The following KAZN variants were observed in gnomAD, a reference collection of about 807,000 sequenced individuals.
KAZN encodes kazrin.
Under a neutral mutation model 87.4 loss-of-function variants are expected in KAZN, and 40 were observed. The ratio of observed to expected loss-of-function variants is 0.46; its 90% CI spans 0.36 to 0.60. The LOEUF (loss-of-function observed/expected upper bound fraction) is 0.60, where lower values mean the gene tolerates loss of function less well. Ranked by LOEUF, KAZN falls within the 20% of genes least tolerant of loss-of-function variation. The probability of loss-of-function intolerance (pLI) is 0.00; values close to 1 mark genes in which losing one functional copy is unlikely to be tolerated. For missense variants in KAZN, 898 were observed against 1,073.9 expected (o/e 0.84, Z 2.29); for synonymous variants, 466 against 458.3 (o/e 1.02, Z -0.22).
intron 4 of KAZN, among the ~76,000 whole-genome samples, chr1:15,044,491 G>C (rs1370532389): frequency 1.4e-4 from 21 of 152,168 alleles, no homozygotes; most frequent in Non-Finnish European, 1.0e-4. Flanking sequence ...GCTCATGCCT[G>C]TAATCCCAGC....
At chr1:14,526,218 C>T (rs1671856379) in intron 2 of KAZN, among the ~76,000 whole-genome samples, 1 of 152,210 alleles carries the variant, frequency 6.6e-6, no homozygotes, top group African/African-American at 2.4e-5. Context: ...GTACGATTGA[C>T]TCTTTAATTT....
At chr1:14,649,504 A>G (rs1402909847) in intron 1 of KAZN, among the ~76,000 whole-genome samples, 1 of 152,202 alleles carries the variant, frequency 6.6e-6, no homozygotes, top group Admixed American at 6.5e-5. Flanking sequence ...ATCCATTGTC[A>G]TAGGCCACGT....
At chr1:14,257,975 G>GAAAA (rs201805345) in intron 2 of KAZN, among the ~76,000 whole-genome samples, 3 of 87,974 alleles carry the variant, frequency 3.4e-5, no homozygotes, top group African/African-American at 1.3e-4. Context: ...AAAAAAAAGA[G>GAAAA]AAAAAAAAAA....
Position 14,469,585 on chromosome 1 carries a change from A to T in KAZN, c.250-129398A>T, listed in dbSNP as rs1218178873. On this transcript the variant is annotated intron_variant, in intron 2 of 16. Coordinates refer to the KAZN transcript ENST00000636203. ...AATATACAGCGTTGCCAGAGGCATT[A>T]TTTTGCCATCCTAGGCAGCATTAAC... 2.0e-5 allele frequency among the ~76,000 whole-genome samples: 3 copies of T among 152,238 alleles called. No individual in the cohort carries two copies. The East Asian group carries it at 5.8e-4, about 29-fold the overall frequency.
At chr1:14,306,232 C>T (rs981416473) in intron 2 of KAZN, among the ~76,000 whole-genome samples, 1 of 152,122 alleles carries the variant, frequency 6.6e-6, no homozygotes, top group Non-Finnish European at 1.5e-5. Flanking sequence ...AATTAAATCC[C>T]CATATTTCTC....
chr1:14,329,599 C>A (rs1656700483), intron 2 of KAZN, among the ~76,000 whole-genome samples: 1 of 152,092 alleles, frequency 6.6e-6, no homozygotes, highest in African/African-American at 2.4e-5. Flanking sequence ...CCAGGTCTGC[C>A]CACTCCAAAG....
rs1641823939 is a variant in KAZN, at chr1:15,115,862, A to G, written c.*1227A>G. ...ACAATTTGTAACCTCTCAGGAGACA[A>G]TGGGAAGTTATGGGGTAGCTAATTT... is the stretch of plus-strand genomic sequence containing the variant. On this transcript the variant is annotated 3_prime_UTR_variant, in exon 15 of 15. Transcript: ENST00000376030. The surrounding 1 kb of genome is among the most constrained non-coding windows in gnomAD (Gnocchi z 4.1). 6.6e-6 allele frequency: 1 copy of G among 152,240 alleles called. No homozygotes were observed. Among genetic ancestry groups the G allele is most frequent in the African/African-American group, 2.4e-5 (1 of 41,462 alleles). 9.4% of individuals were successfully genotyped at this position (152,240 alleles called of 1,614,324 possible). A position where few individuals can be genotyped will look rare whatever the true frequency, so the allele number is the denominator to read the frequency against.
intron 1 of KAZN, among the ~76,000 whole-genome samples, chr1:14,768,809 TCCAC>T: frequency 6.6e-6 from 1 of 152,234 alleles, no homozygotes. Flanking sequence ...GTAATCAGTT[TCCAC>T]CAGTTCCAGT....
chr1:14,627,501 G>T (rs569363937), intron 1 of KAZN, among the ~76,000 whole-genome samples: 1 of 152,260 alleles, frequency 6.6e-6, no homozygotes, highest in African/African-American at 2.4e-5. Context: ...GACTTAAAAG[G>T]CTCGCTCCTC....
At chr1:13,964,191 T>C (rs2101032211) in intron 1 of KAZN, among the ~76,000 whole-genome samples, 1 of 152,330 alleles carries the variant, frequency 6.6e-6, no homozygotes, top group East Asian at 1.9e-4. Context: ...AACATATGTC[T>C]TCCCTGGAGG....
chr1:14,121,027 T>G (rs1443317249), intron 1 of KAZN, among the ~76,000 whole-genome samples: 1 of 152,184 alleles, frequency 6.6e-6, no homozygotes, highest in African/African-American at 2.4e-5. Context: ...GCAGCCATCT[T>G]GGCACTATGA....
rs141151647 is a variant in KAZN at position 14,101,830 on chromosome 1, T to A, written c.92-78605T>A. The stretch of plus-strand genomic sequence containing the variant: ...TCTTCCTTATGATGTTGTTTACATA[T>A]TGTGTTTGCTTAGCAAAACCTTTTT... On this transcript the variant is annotated intron_variant, in intron 1 of 16. Transcript: ENST00000636203. Among the ~76,000 whole-genome samples the A allele has an allele frequency of 5.3e-5, 8 of 152,366 alleles. No homozygotes were observed. The East Asian group carries it at 1.5e-3, about 29-fold the overall frequency.
intron 2 of KAZN, among the ~76,000 whole-genome samples, chr1:14,414,403 C>G (rs1052442301): frequency 1.3e-5 from 2 of 148,892 alleles, no homozygotes; most frequent in South Asian, 4.2e-4. Context: ...GCCAAGAATC[C>G]ACTAACCAAA....
At chr1:14,722,710 C>T (rs1643181071) in intron 1 of KAZN, among the ~76,000 whole-genome samples, 1 of 152,130 alleles carries the variant, frequency 6.6e-6, no homozygotes, top group Non-Finnish European at 1.5e-5. Flanking sequence ...AATGAATGCC[C>T]TCGTGGCCTA....
chr1:14,049,346 T>C (rs892434753), intron 1 of KAZN, among the ~76,000 whole-genome samples: 10 of 152,184 alleles, frequency 6.6e-5, no homozygotes, highest in African/African-American at 2.2e-4. Flanking sequence ...GGGATAGCAT[T>C]AGGAGGTATA....
At chr1:14,933,966 G>A (rs1159391591) in intron 1 of KAZN, among the ~76,000 whole-genome samples, 3 of 149,260 alleles carry the variant, frequency 2.0e-5, no homozygotes, top group South Asian at 2.2e-4. Context: ...TCCTGCCTCC[G>A]CCTCCCGAGT....
At chr1:14,685,866 G>T (rs1478752963) in intron 1 of KAZN, among the ~76,000 whole-genome samples, 3 of 152,182 alleles carry the variant, frequency 2.0e-5, no homozygotes, top group Non-Finnish European at 4.4e-5. Flanking sequence ...TTCTGTGTGT[G>T]TGCGCACGTG....
chr1:14,602,064 G>C (rs1677021871), intron 1 of KAZN, among the ~76,000 whole-genome samples: 1 of 152,142 alleles, frequency 6.6e-6, no homozygotes, highest in Admixed American at 6.5e-5. Flanking sequence ...ATCATTGGCT[G>C]TTTTGTTCCA....
At chr1:15,073,783 C>T (rs1639619824) in intron 8 of KAZN, among the ~76,000 whole-genome samples, 1 of 152,246 alleles carries the variant, frequency 6.6e-6, no homozygotes, top group Non-Finnish European at 1.5e-5. Context: ...CTGACTGAGA[C>T]TTCTGTCCGG....
Sources: allele counts gnomAD v4.1 joint callset (sites outside exome capture counted in the v4.1 genomes callset), GRCh38; gene constraint gnomAD v4.1.1; non-coding constraint Gnocchi (gnomAD v3.1); transcripts MANE v1.5; gene names NCBI Gene and HGNC (gene_info 2026-07-23, HGNC 2026-07-21).